Variants in SSBP3 observed in about 807,000 individuals in gnomAD.
SSBP3 encodes single-stranded DNA-binding protein 3.
SSBP3 carries 5 observed loss-of-function variants against 69.6 expected under a neutral mutation model. That is an observed-to-expected ratio of 0.07 (90% CI 0.04 to 0.15). The LOEUF is 0.15. Among genes scored for constraint, SSBP3 ranks in the 10% least tolerant of loss-of-function variants. The pLI, the probability that SSBP3 is intolerant of heterozygous loss-of-function variation, is 1.00. For synonymous variants in SSBP3, 196 were observed against 193.4 expected, an observed-to-expected ratio of 1.01 and a Z score of -0.11; for missense variants, 312 against 534.0, an observed-to-expected ratio of 0.58 and a Z score of 4.10.
At chr1:54,384,235 G>A (rs757709867) in intron 4 of SSBP3, among the ~76,000 whole-genome samples, 1 of 152,142 alleles carries the variant, frequency 6.6e-6, no homozygotes, top group Admixed American at 6.5e-5. Context: ...ACACCTCTGA[G>A]GACACTTCAC....
intron 5 of SSBP3, among the ~76,000 whole-genome samples, chr1:54,276,695 T>A (rs1356280424): frequency 2.0e-5 from 3 of 149,120 alleles, no homozygotes; most frequent in African/African-American, 4.9e-5. Flanking sequence ...ACGAAGCCAC[T>A]GGAACAACTG....
At position 54,258,202 on chromosome 1, in the gene SSBP3, G is replaced by A. The variant is rs377608107; in HGVS notation, c.367-53C>T. 27 of 1,341,896 alleles carry A rather than the reference G, an allele frequency of 2.0e-5. No individual in the cohort carries two copies. The Admixed American group carries it at 2.2e-4, about 11-fold the overall frequency. The allele number at this position is 1,341,896 out of a possible 1,614,324, so 83.1% of individuals were successfully genotyped here. On this transcript the variant is annotated intron_variant, in intron 5 of 17. Transcript: ENST00000610401. The surrounding 1 kb of genome is among the most constrained non-coding windows in gnomAD (Gnocchi z 4.5). ...TATAGATCACAGCACATGGAGAAGC[G>A]CAGAAGCAGCTTAAAAGAACAAAAA...
At chr1:54,410,668 C>G (rs1260604060), upstream of SSBP3, among the ~76,000 whole-genome samples, 2 of 152,230 alleles carry the variant, frequency 1.3e-5, no homozygotes, top group South Asian at 4.1e-4. Context: ...ATCCAACACG[C>G]AAAGACCTGG....
intron 4 of SSBP3, among the ~76,000 whole-genome samples, chr1:54,282,387 A>G (rs1163334922): frequency 2.0e-5 from 3 of 152,240 alleles, no homozygotes; most frequent in African/African-American, 7.2e-5. Flanking sequence ...CGGAGGGCAG[A>G]GCGTGTTCTT....
chr1:54,286,754 C>G (rs1298178907), intron 4 of SSBP3: 1 of 152,282 alleles, frequency 6.6e-6, no homozygotes, highest in East Asian at 1.9e-4. Flanking sequence ...CAGAGCGGTG[C>G]TTCCAAGAGA....
intron 4 of SSBP3, among the ~76,000 whole-genome samples, chr1:54,348,464 G>A (rs1040800433): frequency 6.6e-6 from 1 of 152,124 alleles, no homozygotes; most frequent in African/African-American, 2.4e-5. Context: ...GCCTCCAACA[G>A]CCTGCCAAAC....
At chr1:54,265,399 G>A (rs1018408365) in intron 5 of SSBP3, among the ~76,000 whole-genome samples, 5 of 152,160 alleles carry the variant, frequency 3.3e-5, no homozygotes, top group Non-Finnish European at 7.3e-5. Context: ...GGCAGAAGGT[G>A]ACTAAGTTGC....
chr1:54,401,779 G>A, intron 4 of SSBP3, 82 bp downstream of exon 4: 4 of 1,190,434 alleles, frequency 3.4e-6, no homozygotes, highest in Admixed American at 1.8e-5. Context: ...ACTGCGAACT[G>A]GCTGTGTTTG....
At chr1:54,368,960 G>A (rs1024348596) in intron 4 of SSBP3, among the ~76,000 whole-genome samples, 7 of 152,188 alleles carry the variant, frequency 4.6e-5, no homozygotes, top group Non-Finnish European at 1.0e-4. Context: ...TTGGGGGCAT[G>A]AGGGGAGGTG....
At chr1:54,395,950 T>C (rs1570046046) in intron 4 of SSBP3, among the ~76,000 whole-genome samples, 1 of 152,022 alleles carries the variant, frequency 6.6e-6, no homozygotes. Flanking sequence ...CCCAGCACTT[T>C]GGGAGGCTGA....
chr1:54,287,595 C>T (rs953216446), intron 4 of SSBP3, among the ~76,000 whole-genome samples: 2 of 152,090 alleles, frequency 1.3e-5, no homozygotes, highest in Non-Finnish European at 2.9e-5. Context: ...GGGAGGGATG[C>T]TGGCACTGGT....
At chr1:54,312,379 C>G (rs1461386752) in intron 4 of SSBP3, among the ~76,000 whole-genome samples, 1 of 151,830 alleles carries the variant, frequency 6.6e-6, no homozygotes, top group Non-Finnish European at 1.5e-5. Flanking sequence ...CACCTCAGGT[C>G]AGGAGTTCGA....
chr1:54,346,658 CA>C (rs1180014211), intron 4 of SSBP3, among the ~76,000 whole-genome samples: 2 of 151,732 alleles, frequency 1.3e-5, no homozygotes, highest in South Asian at 2.1e-4. Context: ...ACTAAAAATA[CA>C]AAAAAATTGG....
At chr1:54,405,051 A>G in intron 1 of SSBP3, 121 bp from the exon 2 acceptor site, 1 of 859,202 alleles carries the variant, frequency 1.2e-6, no homozygotes, top group Non-Finnish European at 1.9e-6. Flanking sequence ...GGCCCCGACC[A>G]GAGGTAAGCA....
intron 14 of SSBP3, among the ~76,000 whole-genome samples, chr1:54,234,356 T>TAA (rs112709537): frequency 0.23 from 34,002 of 148,532 alleles, 3,860 homozygotes; most frequent in African/African-American, 0.25. Flanking sequence ...AAAAATAAAT[T>TAA]AAAAAAAATA....
rs564537997 is a variant in SSBP3 at position 54,305,061 on chromosome 1, C to T, written c.277-23534G>A. ...AGATTTACCATAACCAGAGAAAGGC[C>T]GAGCAGAGACCATGTATGCCTGGCG... On this transcript the variant is annotated intron_variant, in intron 4 of 17. Transcript: ENST00000610401. 6.7e-4 allele frequency among the ~76,000 whole-genome samples: 102 copies of T among 152,294 alleles called. 2 individuals are homozygous for T. In the South Asian group the frequency reaches 0.02, roughly 30 times the overall value.
At chr1:54,380,762 T>C (rs1357562042) in intron 4 of SSBP3, among the ~76,000 whole-genome samples, 3 of 151,984 alleles carry the variant, frequency 2.0e-5, no homozygotes, top group African/African-American at 7.3e-5. Flanking sequence ...GTTGGGGGTG[T>C]TGGTAAAGCC....
chr1:54,404,307 G>A (rs1454105327), intron 3 of SSBP3, among the ~76,000 whole-genome samples: 1 of 152,106 alleles, frequency 6.6e-6, no homozygotes, highest in Non-Finnish European at 1.5e-5. Flanking sequence ...CCCCTGCCTA[G>A]AGCCCCAGAG....
At chr1:54,347,772 T>C (rs752924977) in intron 4 of SSBP3, among the ~76,000 whole-genome samples, 11 of 152,178 alleles carry the variant, frequency 7.2e-5, no homozygotes, top group Non-Finnish European at 1.6e-4. Context: ...TGCCAAGGAT[T>C]GCAGCAACGC....
Sources: gnomAD v4.1 joint callset for allele counts (sites outside exome capture counted in the v4.1 genomes callset) on GRCh38, gnomAD v4.1.1 for gene constraint, Gnocchi (gnomAD v3.1) non-coding constraint, MANE v1.5 for transcripts, NCBI Gene and HGNC (gene_info 2026-07-23, HGNC 2026-07-21) for gene names.